FNIP2: variants seen among roughly 807,000 people sequenced by gnomAD.
FNIP2 encodes folliculin interacting protein 2, also known as folliculin-interacting protein 2.
Under a neutral mutation model 108.7 loss-of-function variants are expected in FNIP2, and 32 were observed. The observed-to-expected ratio is 0.29, with a 90% CI of 0.22 to 0.40. FNIP2 has a LOEUF of 0.40. Ranked by LOEUF, FNIP2 falls within the 10% of genes least tolerant of loss-of-function variation. FNIP2 has a pLI of 1.00. For synonymous variants in FNIP2, 480 were observed against 496.7 expected (o/e 0.97, Z 0.45); for missense variants, 1,202 against 1,381.6 (o/e 0.87, Z 2.06).
chr4:158,881,845 G>T (rs1156980099), intron 14 of FNIP2, among the ~76,000 whole-genome samples: 2 of 152,072 alleles, frequency 1.3e-5, no homozygotes, highest in African/African-American at 4.8e-5. Context: ...CCAAAGTGCC[G>T]AGATTGCAGC....
rs761210919 is a variant in FNIP2, at chr4:158,868,481, CAAA to C, written c.1846_1848del (p.Lys616del). On this transcript the variant is annotated inframe_deletion, in exon 13 of 17. Transcript: ENST00000264433. The surrounding 1 kb of genome is among the most constrained non-coding windows in gnomAD (Gnocchi z 4.6). The stretch of plus-strand genomic sequence containing the variant: ...GTAGAGACCTGGGTCTTAAACCTGA[CAAA>C]GAAGCTAACAGGAGGCCAGAGCAGG... The C allele has an allele frequency of 1.2e-6, 2 of 1,613,994 alleles. No individual in the cohort carries two copies. Among genetic ancestry groups the C allele is most frequent in the Admixed American group, 1.7e-5 (1 of 60,018 alleles).
At chr4:158,778,430 G>A (rs1298054827) in intron 1 of FNIP2, among the ~76,000 whole-genome samples, 1 of 152,138 alleles carries the variant, frequency 6.6e-6, no homozygotes, top group Non-Finnish European at 1.5e-5. Context: ...CAATTCCTAA[G>A]TTTTGAATTG....
At chr4:158,807,718 A>G (rs1366182514) in intron 1 of FNIP2, among the ~76,000 whole-genome samples, 1 of 152,212 alleles carries the variant, frequency 6.6e-6, no homozygotes, top group African/African-American at 2.4e-5. Context: ...CTATCTCTAA[A>G]AAAGAAAAAA....
intron 1 of FNIP2, among the ~76,000 whole-genome samples, chr4:158,777,716 C>T (rs893035470): frequency 6.6e-6 from 1 of 152,148 alleles, no homozygotes; most frequent in Admixed American, 6.5e-5. Context: ...ACAGGCTCCA[C>T]GGAAGACCAT....
intron 14 of FNIP2, among the ~76,000 whole-genome samples, chr4:158,884,859 G>C (rs769464862): frequency 1.3e-5 from 2 of 151,914 alleles, no homozygotes; most frequent in African/African-American, 4.8e-5. Flanking sequence ...GTCAGCTCTC[G>C]GCCAGCCACA....
chr4:158,860,950 G>A (rs548095947), intron 10 of FNIP2, among the ~76,000 whole-genome samples: 3 of 152,122 alleles, frequency 2.0e-5, no homozygotes, highest in East Asian at 1.9e-4. Context: ...CACCACGCCC[G>A]GCTGAGAATC....
chr4:158,890,839 T>A (rs947046180), intron 14 of FNIP2, among the ~76,000 whole-genome samples: 2 of 152,254 alleles, frequency 1.3e-5, no homozygotes, highest in South Asian at 4.1e-4. Context: ...TGCCAACCAT[T>A]TTTGGTCTTC....
chr4:158,829,147 T>C lies in FNIP2; in HGVS notation c.303T>C (p.Ser101=). ...CCQGSSSVSS[S]SSSSISSHSS... ...AGGGAAGCAGCAGTGTCAGCAGCAG[T>C]AGCAGCAGCAGCATCTCTTCCCACA... The change falls in exon 3 of 17, where the codon AGT becomes AGC. Residue 101 remains serine, a synonymous_variant. Coordinates refer to ENST00000264433, the MANE Select transcript of FNIP2 (RefSeq NM_020840.3). 1 of 1,612,948 alleles carries C rather than the reference T, an allele frequency of 6.2e-7. No homozygotes were observed. The highest frequency in any genetic ancestry group is 8.5e-7 in the Non-Finnish European group (1 of 1,179,362).
intron 14 of FNIP2, among the ~76,000 whole-genome samples, chr4:158,875,052 G>A (rs1379269946): frequency 6.7e-6 from 1 of 150,156 alleles, no homozygotes; most frequent in Non-Finnish European, 1.5e-5. Context: ...TCATGCCACT[G>A]CACTCCAGCC....
At chr4:158,873,965 C>T (rs544303898) in intron 14 of FNIP2, among the ~76,000 whole-genome samples, 1 of 152,298 alleles carries the variant, frequency 6.6e-6, no homozygotes, top group Admixed American at 6.5e-5. Flanking sequence ...CCTTTTTCCT[C>T]TTGTGTCTGG....
At chr4:158,802,644 T>G (rs1391144246) in intron 1 of FNIP2, among the ~76,000 whole-genome samples, 1 of 152,230 alleles carries the variant, frequency 6.6e-6, no homozygotes, top group Non-Finnish European at 1.5e-5. Flanking sequence ...CTTTCATGAC[T>G]TTAATTCTCC....
intron 1 of FNIP2, among the ~76,000 whole-genome samples, chr4:158,795,513 A>G (rs1315822390): frequency 6.6e-6 from 1 of 152,238 alleles, no homozygotes; most frequent in Non-Finnish European, 1.5e-5. Flanking sequence ...CAGCTAAAGC[A>G]CTAAACTTTG....
chr4:158,835,624 A>C, intron 7 of FNIP2, 148 bp downstream of exon 7: 2 of 648,638 alleles, frequency 3.1e-6, no homozygotes, highest in South Asian at 1.9e-5. Flanking sequence ...TAAAGATCTG[A>C]AACTTTAATG....
At chr4:158,899,543 A>C (rs997073470) in intron 16 of FNIP2, among the ~76,000 whole-genome samples, 3 of 152,210 alleles carry the variant, frequency 2.0e-5, no homozygotes, top group South Asian at 2.1e-4. Context: ...TTATCAGTCT[A>C]TTCAGGGATT....
At chr4:158,821,859 G>C (rs1299964865) in intron 1 of FNIP2, among the ~76,000 whole-genome samples, 1 of 152,098 alleles carries the variant, frequency 6.6e-6, no homozygotes, top group African/African-American at 2.4e-5. Flanking sequence ...AGGCTGAGGC[G>C]GGCAGATTGC....
At chr4:158,820,711 A>C (rs1407033819) in intron 1 of FNIP2, among the ~76,000 whole-genome samples, 1 of 10 alleles carries the variant, frequency 0.1, no homozygotes, top group African/African-American at 0.17. Context: ...ACCCAGTGAT[A>C]ACTGTCTTTT....
chr4:158,900,986 C>T (rs11941051), intron 16 of FNIP2, among the ~76,000 whole-genome samples: 7,009 of 152,156 alleles, frequency 0.046, 421 homozygotes, highest in African/African-American at 0.14. Context: ...TTTTTCCTTT[C>T]CATGTAGTGC....
intron 13 of FNIP2, 146 bp downstream of exon 13, chr4:158,869,574 T>C: frequency 2.4e-6 from 3 of 1,227,412 alleles, no homozygotes; most frequent in Non-Finnish European, 3.3e-6. Flanking sequence ...TATTATTAAT[T>C]CTATACAAAC....
chr4:158,818,865 A>G (rs1202984941), intron 1 of FNIP2, among the ~76,000 whole-genome samples: 1 of 152,204 alleles, frequency 6.6e-6, no homozygotes, highest in Non-Finnish European at 1.5e-5. Context: ...TTCTAAAATC[A>G]TCTGGGTTGA....
Sources: allele counts gnomAD v4.1 joint callset (sites outside exome capture counted in the v4.1 genomes callset), GRCh38; gene constraint gnomAD v4.1.1; non-coding constraint Gnocchi (gnomAD v3.1); transcripts MANE v1.5; gene names NCBI Gene and HGNC (gene_info 2026-07-23, HGNC 2026-07-21).